Variants in PPP2R5C observed in about 807,000 individuals in gnomAD.
PPP2R5C encodes the protein serine/threonine-protein phosphatase 2A 56 kDa regulatory subunit gamma isoform.
PPP2R5C carries 7 observed loss-of-function variants against 68.9 expected under a neutral mutation model. That is an observed-to-expected ratio of 0.10 (90% CI 0.06 to 0.19). PPP2R5C has a LOEUF of 0.19. Ranked by LOEUF, PPP2R5C falls within the 10% of genes least tolerant of loss-of-function variation. The pLI is 1.00. For synonymous variants in PPP2R5C, 210 were observed against 222.2 expected (o/e 0.95, Z 0.49); for missense variants, 348 against 641.3 (o/e 0.54, Z 4.94).
chr14:101,856,402 A>G (rs573383673), intron 1 of PPP2R5C, among the ~76,000 whole-genome samples: 2 of 152,332 alleles, frequency 1.3e-5, no homozygotes, highest in South Asian at 2.1e-4. Context: ...TATTTGTTGA[A>G]TGAACACATG....
intron 1 of PPP2R5C, among the ~76,000 whole-genome samples, chr14:101,836,914 T>C (rs1422080779): frequency 6.6e-6 from 1 of 152,198 alleles, no homozygotes; most frequent in African/African-American, 2.4e-5. Flanking sequence ...ATAACTACCA[T>C]GAATTTGGCC....
chr14:101,848,733 G>A (rs902200404), intron 1 of PPP2R5C, among the ~76,000 whole-genome samples: 15 of 152,170 alleles, frequency 9.9e-5, no homozygotes, highest in Non-Finnish European at 1.6e-4. Context: ...TGGCAACAGC[G>A]GGAGTTGGGA....
intron 10 of PPP2R5C, among the ~76,000 whole-genome samples, chr14:101,907,941 G>A (rs1032916247): frequency 3.3e-5 from 5 of 152,174 alleles, no homozygotes; most frequent in South Asian, 2.1e-4. Context: ...CAGTCCACTC[G>A]CGTCAAGTCT....
intron 3 of PPP2R5C, among the ~76,000 whole-genome samples, chr14:101,788,391 C>T (rs979231233): frequency 2.0e-5 from 3 of 152,196 alleles, no homozygotes; most frequent in Non-Finnish European, 2.9e-5. Flanking sequence ...TCAGTTTTGT[C>T]GCCGTATATT....
At chr14:101,852,816 T>A (rs968640693) in intron 1 of PPP2R5C, among the ~76,000 whole-genome samples, 1 of 152,186 alleles carries the variant, frequency 6.6e-6, no homozygotes, top group Non-Finnish European at 1.5e-5. Context: ...TCATTTTGGA[T>A]GCCCTGGGTC....
intron 2 of PPP2R5C, among the ~76,000 whole-genome samples, chr14:101,784,043 C>T (rs2037969343): frequency 6.6e-6 from 1 of 152,094 alleles, no homozygotes; most frequent in Non-Finnish European, 1.5e-5. Flanking sequence ...AAGCTCAGAG[C>T]CCAAGAAAGT....
chr14:101,837,172 T>C (rs959592595), intron 1 of PPP2R5C, among the ~76,000 whole-genome samples: 1 of 152,224 alleles, frequency 6.6e-6, no homozygotes, highest in Non-Finnish European at 1.5e-5. Flanking sequence ...AGACGGAGTT[T>C]CACTCTTGTT....
chr14:101,859,533 G>C (rs2042632961), intron 2 of PPP2R5C, among the ~76,000 whole-genome samples: 1 of 152,250 alleles, frequency 6.6e-6, no homozygotes, highest in Non-Finnish European at 1.5e-5. Context: ...TCTGGAGGTA[G>C]AATAGGGGAT....
intron 6 of PPP2R5C, among the ~76,000 whole-genome samples, chr14:101,890,764 CTTTTTTT>C (rs368348255): frequency 4.3e-5 from 5 of 115,376 alleles, no homozygotes; most frequent in Non-Finnish European, 8.5e-5. Context: ...TTTAGTTGCC[CTTTTTTT>C]TTTTTTTTTT....
intron 2 of PPP2R5C, chr14:101,766,590 T>C (rs1053912650): frequency 2.0e-5 from 3 of 152,256 alleles, no homozygotes; most frequent in Non-Finnish European, 2.9e-5. Context: ...GAATGACATG[T>C]GTTGGTACAT....
At chr14:101,909,509 A>G in intron 10 of PPP2R5C, 80 bp from the exon 13 acceptor site, 1 of 910,488 alleles carries the variant, frequency 1.1e-6, no homozygotes, top group Non-Finnish European at 1.8e-6. Flanking sequence ...CTGTTGGAAT[A>G]TGGAGCAGCC....
chr14:101,856,153 C>T (rs772480728), intron 1 of PPP2R5C, among the ~76,000 whole-genome samples: 3 of 152,162 alleles, frequency 2.0e-5, no homozygotes, highest in Non-Finnish European at 4.4e-5. Flanking sequence ...GCCAGTTGCT[C>T]TGTCATCTAG....
rs2036629807 is a variant in PPP2R5C, at chr14:101,762,912, CA to C, written c.39del (p.Ala14GlnfsTer15). ...TTGCTTGATGTTTACCAGGAATCACCAAAAGCAGGGAAGAGTGGAAAAAGTT... is the reference window on the plus strand; with the variant it reads ...TTGCTTGATGTTTACCAGGAATCACCAAAGCAGGGAAGAGTGGAAAAAGTT... On this transcript the variant is annotated frameshift_variant, in exon 2 of 15. Transcript: ENST00000328724. LOFTEE classifies it high-confidence loss of function. 6.3e-7 allele frequency: 1 copy of C among 1,582,828 alleles called. No homozygotes were observed. The highest frequency in any genetic ancestry group is 8.6e-7 in the Non-Finnish European group (1 of 1,163,512).
intron 1 of PPP2R5C, among the ~76,000 whole-genome samples, chr14:101,827,172 C>A (rs972980849): frequency 1.3e-5 from 2 of 151,688 alleles, no homozygotes; most frequent in South Asian, 4.2e-4. Flanking sequence ...CACAGAGTTC[C>A]GCCATCTTGG....
intron 1 of PPP2R5C, among the ~76,000 whole-genome samples, chr14:101,821,655 C>A (rs368823965): frequency 6.6e-6 from 1 of 151,546 alleles, no homozygotes; most frequent in African/African-American, 2.4e-5. Flanking sequence ...GTTGGTGTTA[C>A]GTCATATTAT....
At chr14:101,806,282 C>T (rs549379879), upstream of PPP2R5C, among the ~76,000 whole-genome samples, 31 of 151,912 alleles carry the variant, frequency 2.0e-4, no homozygotes, top group Admixed American at 8.5e-4. Flanking sequence ...CCGACAGGTC[C>T]TGGTGTGTGA....
chr14:101,884,050 G>A (rs920963740), intron 5 of PPP2R5C, among the ~76,000 whole-genome samples: 4 of 152,192 alleles, frequency 2.6e-5, no homozygotes, highest in South Asian at 2.1e-4. Context: ...GTAGGGAGAC[G>A]GACAGTGCAG....
upstream of PPP2R5C, among the ~76,000 whole-genome samples, chr14:101,807,909 C>CA: frequency 6.7e-6 from 1 of 150,290 alleles, no homozygotes; most frequent in East Asian, 1.9e-4. Flanking sequence ...TCCCACTCAT[C>CA]AGCACAGTTG....
intron 9 of PPP2R5C, among the ~76,000 whole-genome samples, chr14:101,905,709 G>C (rs116139867): frequency 1.3e-5 from 2 of 149,716 alleles, no homozygotes; most frequent in Admixed American, 1.3e-4. Context: ...GTGGCTTCCC[G>C]TGAGTAAGCG....
Sources: gnomAD v4.1 joint callset for allele counts (sites outside exome capture counted in the v4.1 genomes callset) on GRCh38, gnomAD v4.1.1 for gene constraint, MANE v1.5 for transcripts, NCBI Gene and HGNC (gene_info 2026-07-23, HGNC 2026-07-21) for gene names.